Variants in ERN1 observed in about 807,000 individuals in gnomAD.
ERN1 encodes endoplasmic reticulum to nucleus signaling 1, also known as serine/threonine-protein kinase/endoribonuclease IRE1.
In ERN1, 39 loss-of-function variants were observed where a neutral mutation model predicts 113.1. The observed-to-expected ratio is 0.34, with a 90% confidence interval of 0.27 to 0.45. The LOEUF is 0.45. ERN1 is among the 20% of genes least tolerant of loss of function. ERN1 has a pLI of 1.00. For missense variants in ERN1, 976 were observed against 1,274.8 expected (o/e 0.77, Z 3.57); for synonymous variants, 507 against 515.9 (o/e 0.98, Z 0.23).
intron 1 of ERN1, among the ~76,000 whole-genome samples, chr17:64,105,939 G>A (rs865932859): frequency 1.4e-5 from 2 of 140,418 alleles, no homozygotes; most frequent in Admixed American, 7.2e-5. Flanking sequence ...CAGCCTAGGC[G>A]ACAAGAGCAA....
intron 1 of ERN1, chr17:64,102,976 G>C: frequency 1.0e-6 from 1 of 985,188 alleles, no homozygotes; most frequent in Non-Finnish European, 1.2e-6. Context: ...ACTGTGGAGG[G>C]TGGGAAGGGT....
At position 64,052,816 on chromosome 17, in the gene ERN1, A is replaced by C; in HGVS notation, c.2217T>G (p.Ala739=). The C allele has an allele frequency of 1.2e-6, 2 of 1,614,022 alleles. No individual in the cohort carries two copies. Among genetic ancestry groups the C allele is most frequent in the Non-Finnish European group, 1.7e-6 (2 of 1,179,902 alleles). Residue 739 remains alanine (A), a synonymous_variant, in exon 17 of 22, where the codon GCT becomes GCG. Coordinates refer to ENST00000433197, the MANE Select transcript of ERN1 (RefSeq NM_001433.5). ...SGVPGTEGWI[A]PEMLSEDCKE... Reference sequence around the variant, plus strand: ...TACAGTCTTCGCTCAGCATCTCTGGAGCGATCCAGCCTTCTGTGCCAGGCA... The same window carrying C: ...TACAGTCTTCGCTCAGCATCTCTGGCGCGATCCAGCCTTCTGTGCCAGGCA...
chr17:64,077,837 C>T (rs773928406), intron 4 of ERN1, among the ~76,000 whole-genome samples: 48 of 152,124 alleles, frequency 3.2e-4, no homozygotes, highest in Non-Finnish European at 4.4e-4. Context: ...GCTCCACCTC[C>T]CGGGTTCACG....
intron 20 of ERN1, 117 bp downstream of exon 20, chr17:64,045,242 C>A: frequency 8.2e-7 from 1 of 1,226,808 alleles, no homozygotes; most frequent in South Asian, 1.4e-5. Context: ...AAGTCTCAAA[C>A]CTGACAGGTG....
chr17:64,126,476 A>G (rs891622863), intron 1 of ERN1, among the ~76,000 whole-genome samples: 2 of 152,166 alleles, frequency 1.3e-5, no homozygotes, highest in Admixed American at 1.3e-4. Flanking sequence ...AGACATGAAG[A>G]AACTTTAATG....
intron 8 of ERN1, among the ~76,000 whole-genome samples, chr17:64,065,588 G>T (rs1251193013): frequency 6.6e-6 from 1 of 152,100 alleles, no homozygotes; most frequent in Non-Finnish European, 1.5e-5. Context: ...ACGCCCAGTG[G>T]CCACAGAGGA....
At chr17:64,099,046 T>C (rs73992925) in intron 1 of ERN1, among the ~76,000 whole-genome samples, 7,093 of 152,232 alleles carry the variant, frequency 0.047, 522 homozygotes, top group African/African-American at 0.16. Context: ...AAAAGTTCTG[T>C]GCACAATGAT....
chr17:64,105,234 A>G (rs1312670550), intron 1 of ERN1, among the ~76,000 whole-genome samples: 3 of 152,238 alleles, frequency 2.0e-5, no homozygotes, highest in African/African-American at 7.2e-5. Context: ...TCAGTCTTCC[A>G]AGTAGCTGGG....
Position 64,068,212 on chromosome 17 carries a change from C to G in ERN1, c.558G>C (p.Leu186=), listed in dbSNP as rs748148094. 2.8e-5 allele frequency: 45 copies of G among 1,610,906 alleles called. No individual in the cohort carries two copies. Among genetic ancestry groups the G allele is most frequent in the Non-Finnish European group, 3.6e-5 (43 of 1,178,526 alleles). The change falls in exon 7 of 22, where the codon CTG becomes CTC. Residue 186 remains leucine, a synonymous_variant. Coordinates refer to ENST00000433197, the MANE Select transcript of ERN1 (RefSeq NM_001433.5). ...NATYFDYAAS[L]PEDDVDYKMS... ...TACTGTAGTCCACGTCGTCCTCAGGCAGTGAGGCCGCATAGTCAAAGTAGG... is the reference window on the plus strand; with the variant it reads ...TACTGTAGTCCACGTCGTCCTCAGGGAGTGAGGCCGCATAGTCAAAGTAGG...
chr17:64,049,833 G>A lies in ERN1; in HGVS notation c.2254-631C>T, dbSNP rs374920462. ...ATAGCTTCCTTCGAGGGAAATGTAC[G>A]TTTGTGTTTTTTAGCTCATGCTACC... On this transcript the variant is annotated intron_variant, in intron 17 of 21. Transcript: ENST00000433197. This position sits in a 1 kb window ranked among gnomAD's most constrained non-coding sequence, Gnocchi z 4.7. 2.0e-5 allele frequency among the ~76,000 whole-genome samples: 3 copies of A among 152,168 alleles called. No homozygotes were observed. Among genetic ancestry groups the A allele is most frequent in the South Asian group, 2.1e-4 (1 of 4,820 alleles).
rs1257663529 is a variant in ERN1, at chr17:64,043,276, CA to C, written c.*711del. ...ACCCACCAAAGGCCACTGTTCTGGC[CA>C]CTGGCACTGGGCCACGGCTGCCTCC... On this transcript the variant is annotated 3_prime_UTR_variant, in exon 22 of 22. Coordinates refer to ENST00000433197, the MANE Select transcript of ERN1 (RefSeq NM_001433.5). 2 of 152,616 alleles carry C rather than the reference CA, an allele frequency of 1.3e-5. No individual in the cohort carries two copies. Among genetic ancestry groups the C allele is most frequent in the African/African-American group, 4.8e-5 (2 of 41,464 alleles). The allele number at this position is 152,616 out of a possible 1,614,324, so 9.5% of individuals were successfully genotyped here.
At chr17:64,060,442 C>A in intron 11 of ERN1, 27 bp downstream of exon 11, 1 of 1,468,230 alleles carries the variant, frequency 6.8e-7, no homozygotes, top group Non-Finnish European at 9.6e-7. Flanking sequence ...ACACCAACAA[C>A]CCCCGACTGG....
At chr17:64,075,865 G>C (rs1438994936) in intron 4 of ERN1, among the ~76,000 whole-genome samples, 1 of 152,254 alleles carries the variant, frequency 6.6e-6, no homozygotes, top group Non-Finnish European at 1.5e-5. Flanking sequence ...AGAGCCCCAT[G>C]GGAGGGAGCC....
In ERN1 at chr17:64,053,336, C is replaced by A; in HGVS notation, c.1989G>T (p.Leu663=). ...TCTGCTGCAGCAAGGTGATGGGCTC[C>A]AGGCCGAGATGCGCAAAGTCCTTCT... ...VEQKDFAHLG[L]EPITLLQQTT... Residue 663 remains leucine (L), a synonymous_variant, in exon 16 of 22, where the codon CTG becomes CTT. Transcript: ENST00000433197. The A allele has an allele frequency of 2.5e-6, 4 of 1,611,742 alleles. No homozygotes were observed. Among genetic ancestry groups the A allele is most frequent in the Non-Finnish European group, 3.4e-6 (4 of 1,179,018 alleles).
At position 64,129,999 on chromosome 17, in the gene ERN1, T is replaced by TCAG. The variant is rs746245851; in HGVS notation, c.28_30dup (p.Leu10dup). On this transcript the variant is annotated inframe_insertion, in exon 1 of 22. Coordinates refer to ENST00000433197, the MANE Select transcript of ERN1 (RefSeq NM_001433.5). Reference sequence around the variant, plus strand: ...ACCCCGAGGCCGGGCAGCAGCAGCGTCAGCAGCAGCAGCAGCCGCCGGGCC... The same window carrying TCAG: ...ACCCCGAGGCCGGGCAGCAGCAGCGTCAGCAGCAGCAGCAGCAGCCGCCGGGCC... 3.4e-5 allele frequency: 49 copies of TCAG among 1,446,710 alleles called. No individual in the cohort carries two copies. The African/African-American group carries it at 4.9e-4, about 14-fold the overall frequency. The allele number at this position is 1,446,710 out of a possible 1,614,324, so 89.6% of individuals were successfully genotyped here.
At chr17:64,052,560 G>C (rs887955484) in intron 17 of ERN1, among the ~76,000 whole-genome samples, 3 of 150,858 alleles carry the variant, frequency 2.0e-5, no homozygotes, top group Admixed American at 6.6e-5. Flanking sequence ...CAAGTGATTG[G>C]AAGAATAGGG....
rs1342457331 is a variant in ERN1 at position 64,040,535 on chromosome 17, C to G, written c.*3453G>C. 1 of 152,248 alleles carries G rather than the reference C, an allele frequency of 6.6e-6. No individual in the cohort carries two copies. Among genetic ancestry groups the G allele is most frequent in the Non-Finnish European group, 1.5e-5 (1 of 68,072 alleles). 9.4% of individuals were successfully genotyped at this position (152,248 alleles called of 1,614,324 possible). Reference sequence around the variant, plus strand: ...AAAGAATTGCCAAAGATAACTGAATCGCATGCACACAAAACCTTACCAAAG... The same window carrying G: ...AAAGAATTGCCAAAGATAACTGAATGGCATGCACACAAAACCTTACCAAAG... On this transcript the variant is annotated 3_prime_UTR_variant, in exon 22 of 22. Transcript: ENST00000433197.
intron 2 of ERN1, among the ~76,000 whole-genome samples, chr17:64,081,880 G>A (rs1008943799): frequency 6.6e-6 from 1 of 152,182 alleles, no homozygotes; most frequent in African/African-American, 2.4e-5. Flanking sequence ...CATGAACACT[G>A]GCACAGCAGC....
chr17:64,125,531 A>C (rs995255326), intron 1 of ERN1, among the ~76,000 whole-genome samples: 2 of 152,024 alleles, frequency 1.3e-5, no homozygotes, highest in Non-Finnish European at 2.9e-5. Context: ...CTCTGTTGCC[A>C]AGGCTGCAGT....
Sources: gnomAD v4.1 joint callset for allele counts (sites outside exome capture counted in the v4.1 genomes callset) on GRCh38, gnomAD v4.1.1 for gene constraint, Gnocchi (gnomAD v3.1) non-coding constraint, MANE v1.5 for transcripts, NCBI Gene and HGNC (gene_info 2026-07-23, HGNC 2026-07-21) for gene names.